The following ATP2B4 variants were observed in gnomAD, a reference collection of about 807,000 sequenced individuals.
ATP2B4 encodes plasma membrane calcium-transporting ATPase 4.
Under a neutral mutation model 110.3 loss-of-function variants are expected in ATP2B4, and 39 were observed. That is an observed-to-expected ratio of 0.35 (90% CI 0.27 to 0.46). The LOEUF (loss-of-function observed/expected upper bound fraction) is 0.46, where lower values mean the gene tolerates loss of function less well. Ranked by LOEUF, ATP2B4 falls within the 20% of genes least tolerant of loss-of-function variation. The pLI is 1.00. For missense variants in ATP2B4, 1,135 were observed against 1,530.9 expected (o/e 0.74, Z 4.32); for synonymous variants, 538 against 571.7 (o/e 0.94, Z 0.84).
chr1:203,651,298 G>A (rs1663986810), intron 1 of ATP2B4, among the ~76,000 whole-genome samples: 2 of 151,822 alleles, frequency 1.3e-5, no homozygotes, highest in South Asian at 2.1e-4. Flanking sequence ...GCACAAAATT[G>A]GATGAGTCAA....
intron 20 of ATP2B4, chr1:203,733,319 A>G (rs747416453): frequency 1.9e-6 from 3 of 1,614,134 alleles, no homozygotes; most frequent in South Asian, 2.2e-5. Context: ...ACTTGTTCCT[A>G]GTTCATCCTA....
chr1:203,732,049 T>C (rs1571777973), intron 20 of ATP2B4, among the ~76,000 whole-genome samples: 1 of 148,370 alleles, frequency 6.7e-6, no homozygotes, highest in African/African-American at 2.5e-5. Context: ...TGGTGGCGGG[T>C]GCCTGTAGTC....
intron 1 of ATP2B4, among the ~76,000 whole-genome samples, chr1:203,635,760 C>T (rs1663418486): frequency 1.3e-5 from 2 of 152,162 alleles, no homozygotes; most frequent in East Asian, 3.8e-4. Context: ...GAGAGAAGTC[C>T]ATGCCAGAGG....
At chr1:203,657,066 G>T in intron 1 of ATP2B4, 1 of 822,422 alleles carries the variant, frequency 1.2e-6, no homozygotes, top group South Asian at 1.4e-5. Context: ...GTGTCACAAG[G>T]CCCAATTCGC....
Position 203,741,207 on chromosome 1 carries a change from T to G in ATP2B4, c.*1353T>G, listed in dbSNP as rs554563854. On this transcript the variant is annotated 3_prime_UTR_variant, in exon 21 of 21. Transcript: ENST00000357681. ...TCCAAAGTGGGAGGCCCCTGTGACA[T>G]TTTGCCAACTTAAACGAGAAAAAGA... The G allele has an allele frequency of 6.6e-6, 1 of 152,646 alleles. No individual in the cohort carries two copies. Among genetic ancestry groups the G allele is most frequent in the Non-Finnish European group, 1.5e-5 (1 of 68,032 alleles). 9.5% of individuals were successfully genotyped at this position (152,646 alleles called of 1,614,324 possible). A position where few individuals can be genotyped will look rare whatever the true frequency, so the allele number is the denominator to read the frequency against.
At chr1:203,670,031 C>T (rs982910293) in intron 1 of ATP2B4, among the ~76,000 whole-genome samples, 4 of 152,186 alleles carry the variant, frequency 2.6e-5, no homozygotes, top group Admixed American at 6.5e-5. Context: ...ACTGTGGATG[C>T]GAGCCCTTTG....
At position 203,699,481 on chromosome 1, in the gene ATP2B4, C is replaced by G. The variant is rs1665627697; in HGVS notation, c.413C>G (p.Thr138Ser). The G allele has an allele frequency of 1.2e-6, 2 of 1,614,046 alleles. No homozygotes were observed. The highest frequency in any genetic ancestry group is 2.7e-5 in the African/African-American group (2 of 74,904). ...ENELCGQVAT[T>S]PEDENEAQAG... ...ATAGTGTGTGGTCAAGTCGCAACTA[C>G]CCCAGAAGATGAAAATGAGGCACAA... is the stretch of plus-strand genomic sequence containing the variant. The change falls in exon 4 of 21, where the codon ACC becomes AGC. Residue 138 changes from threonine to serine, a missense_variant. Transcript: ENST00000357681.
intron 1 of ATP2B4, among the ~76,000 whole-genome samples, chr1:203,675,683 C>A (rs1296747576): frequency 6.6e-6 from 1 of 152,142 alleles, no homozygotes; most frequent in Non-Finnish European, 1.5e-5. Flanking sequence ...AAGGTGCTGT[C>A]AGAGTAGCAG....
intron 2 of ATP2B4, among the ~76,000 whole-genome samples, chr1:203,691,679 G>A (rs1238789447): frequency 6.6e-6 from 1 of 152,166 alleles, no homozygotes; most frequent in Non-Finnish European, 1.5e-5. Context: ...GGAGCTGGAA[G>A]TCTAGCAGAT....
chr1:203,734,473 G>T (rs987671072), intron 20 of ATP2B4, among the ~76,000 whole-genome samples: 1 of 152,158 alleles, frequency 6.6e-6, no homozygotes, highest in South Asian at 2.1e-4. Context: ...TTAGGAGGCC[G>T]AGGTGGGCGG....
intron 1 of ATP2B4, among the ~76,000 whole-genome samples, chr1:203,645,649 T>A (rs978402218): frequency 8.6e-5 from 13 of 151,326 alleles, no homozygotes; most frequent in Non-Finnish European, 1.3e-4. Context: ...TGGAATGCAG[T>A]GGCATAATCT....
At chr1:203,649,862 C>T (rs1263421303) in intron 1 of ATP2B4, among the ~76,000 whole-genome samples, 1 of 152,132 alleles carries the variant, frequency 6.6e-6, no homozygotes, top group Non-Finnish European at 1.5e-5. Flanking sequence ...TCCACAGCCC[C>T]CACTCGTACC....
At chr1:203,675,421 C>T (rs11580986) in intron 1 of ATP2B4, among the ~76,000 whole-genome samples, 65,845 of 151,974 alleles carry the variant, frequency 0.43, 14,723 homozygotes, top group Non-Finnish European at 0.5. Context: ...CAGATCACCA[C>T]AGATAATGTT....
intron 20 of ATP2B4, chr1:203,729,636 A>C (rs1571774484): frequency 3.0e-5 from 30 of 986,004 alleles, no homozygotes; most frequent in Non-Finnish European, 3.8e-5. Context: ...TCTGTCTGCC[A>C]GAGAAACATT....
chr1:203,693,324 C>T (rs1430332267), intron 2 of ATP2B4, among the ~76,000 whole-genome samples: 1 of 152,144 alleles, frequency 6.6e-6, no homozygotes, highest in Non-Finnish European at 1.5e-5. Context: ...CACCACATGT[C>T]AGAGAGGATT....
At chr1:203,704,290 C>G (rs1411329437) in intron 8 of ATP2B4, among the ~76,000 whole-genome samples, 1 of 152,012 alleles carries the variant, frequency 6.6e-6, no homozygotes, top group African/African-American at 2.4e-5. Context: ...TACAGAGGCT[C>G]TCTCCAGAAG....
At chr1:203,659,096 T>A (rs1185329257) in intron 1 of ATP2B4, among the ~76,000 whole-genome samples, 1 of 152,200 alleles carries the variant, frequency 6.6e-6, no homozygotes, top group Non-Finnish European at 1.5e-5. Flanking sequence ...AGATATTGCT[T>A]ATTAGAAGTC....
At chr1:203,713,959 G>C (rs1016972900) in intron 14 of ATP2B4, among the ~76,000 whole-genome samples, 7 of 152,148 alleles carry the variant, frequency 4.6e-5, no homozygotes, top group African/African-American at 1.7e-4. Context: ...TCCATCCTAT[G>C]TGTTCTTCAT....
chr1:203,693,728 G>A (rs1036559658), intron 2 of ATP2B4, among the ~76,000 whole-genome samples: 44 of 152,330 alleles, frequency 2.9e-4, no homozygotes, highest in African/African-American at 1.1e-3. Context: ...AGTGGGAACA[G>A]CGCTGGCTTG....
Sources: gnomAD v4.1 joint callset for allele counts (sites outside exome capture counted in the v4.1 genomes callset) on GRCh38, gnomAD v4.1.1 for gene constraint, MANE v1.5 for transcripts, NCBI Gene and HGNC (gene_info 2026-07-23, HGNC 2026-07-21) for gene names.